DYNC1I2: variants seen among roughly 807,000 people sequenced by gnomAD.
The protein encoded by DYNC1I2 is dynein cytoplasmic 1 intermediate chain 2.
Under a neutral mutation model 88.6 loss-of-function variants are expected in DYNC1I2, and 53 were observed. The ratio of observed to expected loss-of-function variants is 0.60; its 90% CI spans 0.48 to 0.75. The LOEUF is 0.75. Ranked by LOEUF, DYNC1I2 falls within the 30% of genes least tolerant of loss-of-function variation. DYNC1I2 has a pLI of 0.00. For synonymous variants in DYNC1I2, 198 were observed against 254.6 expected, an observed-to-expected ratio of 0.78 and a Z score of 2.12; for missense variants, 458 against 766.6, an observed-to-expected ratio of 0.60 and a Z score of 4.75.
intron 1 of DYNC1I2, chr2:171,687,995 GA>G (rs1459229322): frequency 1.3e-5 from 2 of 152,424 alleles, no homozygotes; most frequent in Non-Finnish European, 2.9e-5. Flanking sequence ...GAAAGGCGGG[GA>G]GACCTGGGTG....
chr2:171,706,573 G>A lies in DYNC1I2; in HGVS notation c.244+9G>A, dbSNP rs960466432. On this transcript the variant is annotated intron_variant, in intron 4 of 17. Transcript: ENST00000397119. The stretch of plus-strand genomic sequence containing the variant: ...TTTTTCTGAATACTGGGGTAAGGAA[G>A]TTCCCATAAGTCTTGCCTTGTTTAT... 6.2e-7 allele frequency: 1 copy of A among 1,611,284 alleles called. No individual in the cohort carries two copies. The highest frequency in any genetic ancestry group is 1.3e-5 in the African/African-American group (1 of 74,982).
chr2:171,739,104 G>GAGA (rs1559406181), intron 15 of DYNC1I2, among the ~76,000 whole-genome samples: 1 of 77,270 alleles, frequency 1.3e-5, no homozygotes, highest in Non-Finnish European at 3.1e-5. Context: ...CAACAAGAGT[G>GAGA]AAAAAAAAAA....
In DYNC1I2 at chr2:171,744,868, T is replaced by C. The variant is rs183543723; in HGVS notation, c.1677+679T>C. Among the ~76,000 whole-genome samples, 9 of 152,294 alleles carry C rather than the reference T, an allele frequency of 5.9e-5. No individual in the cohort carries two copies. The East Asian group carries it at 1.7e-3, about 29-fold the overall frequency. On this transcript the variant is annotated intron_variant, in intron 16 of 17. Coordinates refer to ENST00000397119, the MANE Select transcript of DYNC1I2 (RefSeq NM_001378.3). ...ATTGCTATTAGTAATATAATTAATA[T>C]TAGCATTTCTGTCAATAACAATTGT...
intron 5 of DYNC1I2, among the ~76,000 whole-genome samples, chr2:171,709,975 C>T (rs551965429): frequency 2.5e-4 from 38 of 152,264 alleles, no homozygotes; most frequent in Non-Finnish European, 4.0e-4. Context: ...CCTCAGCCTC[C>T]CAAAGTGCTG....
At chr2:171,697,809 G>T (rs948691127) in intron 3 of DYNC1I2, among the ~76,000 whole-genome samples, 2 of 152,016 alleles carry the variant, frequency 1.3e-5, no homozygotes, top group East Asian at 1.9e-4. Context: ...GGCCATGATC[G>T]CACTACTGAA....
chr2:171,728,110 G>T, intron 12 of DYNC1I2, 143 bp downstream of exon 12: 1 of 1,106,682 alleles, frequency 9.0e-7, no homozygotes, highest in Non-Finnish European at 1.2e-6. Context: ...AAGAATGAAG[G>T]CTATTTTTTT....
Position 171,747,993 on chromosome 2 carries a change from C to A in DYNC1I2, c.*104C>A. 1 of 773,594 alleles carries A rather than the reference C, an allele frequency of 1.3e-6. No homozygotes were observed. The highest frequency in any genetic ancestry group is 2.0e-6 in the Non-Finnish European group (1 of 495,988). The allele number at this position is 773,594 out of a possible 1,614,324, so 47.9% of individuals were successfully genotyped here. A position where few individuals can be genotyped will look rare whatever the true frequency, so the allele number is the denominator to read the frequency against. On this transcript the variant is annotated 3_prime_UTR_variant, in exon 18 of 18. Coordinates refer to ENST00000397119, the MANE Select transcript of DYNC1I2 (RefSeq NM_001378.3). The stretch of plus-strand genomic sequence containing the variant: ...CTAAATGATAATTAAAAGGAAATTT[C>A]ATGGATTAAACCATGGGTTTAATGC...
chr2:171,737,386 A>G (rs552531645), intron 15 of DYNC1I2, among the ~76,000 whole-genome samples: 1 of 152,194 alleles, frequency 6.6e-6, no homozygotes, highest in Non-Finnish European at 1.5e-5. Flanking sequence ...TTGGGAAGAC[A>G]CTATTCAACT....
intron 16 of DYNC1I2, among the ~76,000 whole-genome samples, chr2:171,745,527 G>A (rs557865265): frequency 6.6e-6 from 1 of 152,278 alleles, no homozygotes; most frequent in East Asian, 1.9e-4. Context: ...AACAAAAAAG[G>A]ATTCTTTATT....
intron 15 of DYNC1I2, among the ~76,000 whole-genome samples, chr2:171,742,693 A>G (rs1689528990): frequency 6.6e-6 from 1 of 152,184 alleles, no homozygotes; most frequent in Admixed American, 6.5e-5. Context: ...TCTAGGTTAA[A>G]GCTGTCTCTT....
intron 15 of DYNC1I2, among the ~76,000 whole-genome samples, chr2:171,741,592 G>T (rs930099495): frequency 6.6e-6 from 1 of 152,090 alleles, no homozygotes; most frequent in South Asian, 2.1e-4. Flanking sequence ...CAGATACATG[G>T]TTTGCAAATA....
intron 7 of DYNC1I2, among the ~76,000 whole-genome samples, chr2:171,718,129 G>T (rs1687645604): frequency 6.6e-6 from 1 of 151,686 alleles, no homozygotes; most frequent in Non-Finnish European, 1.5e-5. Flanking sequence ...GCTAATCTTT[G>T]TATTTTTGGT....
rs561710233 is a variant in DYNC1I2 at position 171,687,580 on chromosome 2, G to A, written c.-57G>A. On this transcript the variant is annotated 5_prime_UTR_variant, in exon 1 of 18. Transcript: ENST00000397119. ...AAAGCGGAAATACTTAAGGCCCCTG[G>A]GTTGACTGGGTTCTTTGTTTTATCT... is the stretch of plus-strand genomic sequence containing the variant. 3.9e-5 allele frequency: 6 copies of A among 152,300 alleles called. No homozygotes were observed. Among genetic ancestry groups the A allele is most frequent in the African/African-American group, 1.2e-4 (5 of 41,548 alleles). The allele number at this position is 152,300 out of a possible 1,614,324, so 9.4% of individuals were successfully genotyped here. A position where few individuals can be genotyped will look rare whatever the true frequency, so the allele number is the denominator to read the frequency against.
chr2:171,744,854 T>C (rs1447422550), intron 16 of DYNC1I2, among the ~76,000 whole-genome samples: 3 of 152,186 alleles, frequency 2.0e-5, no homozygotes, highest in Non-Finnish European at 4.4e-5. Flanking sequence ...TTGCTATTAG[T>C]AATATAATTA....
rs894320283 is a variant in DYNC1I2 at position 171,748,775 on chromosome 2, T to C, written c.*886T>C. Among the ~76,000 whole-genome samples, 2 of 152,222 alleles carry C rather than the reference T, an allele frequency of 1.3e-5. No homozygotes were observed. Among genetic ancestry groups the C allele is most frequent in the Non-Finnish European group, 2.9e-5 (2 of 68,016 alleles). On this transcript the variant is annotated 3_prime_UTR_variant, in exon 18 of 18. Coordinates refer to ENST00000397119, the MANE Select transcript of DYNC1I2 (RefSeq NM_001378.3). ...GAGTAAAATCTTTGAGAGAAATTGA[T>C]TTCATGATTTCAGTAGCCATAAAGG...
intron 3 of DYNC1I2, among the ~76,000 whole-genome samples, chr2:171,694,999 G>A (rs913694023): frequency 6.6e-6 from 1 of 152,124 alleles, no homozygotes; most frequent in African/African-American, 2.4e-5. Flanking sequence ...ATTCTTTAGG[G>A]TTTGTGTATG....
At chr2:171,744,026 A>G (rs765088030) in intron 15 of DYNC1I2, 23 bp from the exon 16 acceptor site, 1 of 1,601,098 alleles carries the variant, frequency 6.2e-7, no homozygotes, top group Admixed American at 1.7e-5. Flanking sequence ...GGACTGTGCT[A>G]AGAATCAACT....
At chr2:171,739,120 A>G (rs141879848) in intron 15 of DYNC1I2, among the ~76,000 whole-genome samples, 2 of 151,674 alleles carry the variant, frequency 1.3e-5, no homozygotes, top group Non-Finnish European at 2.9e-5. Flanking sequence ...AAAAAAAAAA[A>G]GAAAACCACC....
intron 7 of DYNC1I2, among the ~76,000 whole-genome samples, chr2:171,722,463 A>C (rs757007554): frequency 2.0e-5 from 3 of 152,168 alleles, no homozygotes. Context: ...ATATTCATCA[A>C]TAAATTGATG....
Sources: gnomAD v4.1 joint callset for allele counts (sites outside exome capture counted in the v4.1 genomes callset) on GRCh38, gnomAD v4.1.1 for gene constraint, MANE v1.5 for transcripts, NCBI Gene and HGNC (gene_info 2026-07-23, HGNC 2026-07-21) for gene names.